Variants in TENM4 observed in about 807,000 individuals in gnomAD.
The protein encoded by TENM4 is teneurin transmembrane protein 4, also known as teneurin-4.
TENM4 carries 82 observed loss-of-function variants against 243.3 expected under a neutral mutation model. That is an observed-to-expected ratio of 0.34 (90% CI 0.28 to 0.40). The LOEUF (loss-of-function observed/expected upper bound fraction) is 0.40, where lower values mean the gene tolerates loss of function less well. Among genes scored for constraint, TENM4 ranks in the 10% least tolerant of loss-of-function variants. The pLI is 1.00. For missense variants in TENM4, 3,138 were observed against 3,673.3 expected, an observed-to-expected ratio of 0.85 and a Z score of 3.77; for synonymous variants, 1,412 against 1,456.3, an observed-to-expected ratio of 0.97 and a Z score of 0.69.
chr11:79,055,386 C>G (rs1859917182), intron 6 of TENM4, among the ~76,000 whole-genome samples: 1 of 151,990 alleles, frequency 6.6e-6, no homozygotes, highest in African/African-American at 2.4e-5. Flanking sequence ...GGACTACAGG[C>G]ACACACCACC....
chr11:79,429,538 T>A (rs1413041397), intron 1 of TENM4, among the ~76,000 whole-genome samples: 2 of 151,546 alleles, frequency 1.3e-5, no homozygotes, highest in African/African-American at 4.8e-5. Context: ...AGGTAGACAC[T>A]TCTATTTTCT....
chr11:79,034,112 A>G (rs974877382), intron 6 of TENM4, among the ~76,000 whole-genome samples: 3 of 152,372 alleles, frequency 2.0e-5, no homozygotes, highest in Admixed American at 1.3e-4. Flanking sequence ...TTTTGAGGAC[A>G]TGGAGGTGAA....
rs116765593 is a variant in TENM4, at chr11:78,706,520, G to A, written c.4209+1841C>T. 3.6e-3 allele frequency among the ~76,000 whole-genome samples: 545 copies of A among 152,324 alleles called. 6 individuals carry two copies. Among genetic ancestry groups the A allele is most frequent in the African/African-American group, 0.012 (517 of 41,560 alleles). ...CAGTGACACCTGCGCAAATGTGTCT[G>A]TAAAATAGATGCCAGTATTGGAGAG... is the stretch of plus-strand genomic sequence containing the variant. On this transcript the variant is annotated intron_variant, in intron 27 of 33. Coordinates refer to ENST00000278550, the MANE Select transcript of TENM4 (RefSeq NM_001098816.3).
At chr11:78,936,629 C>T (rs1405118423) in intron 6 of TENM4, among the ~76,000 whole-genome samples, 2 of 152,180 alleles carry the variant, frequency 1.3e-5, no homozygotes, top group African/African-American at 2.4e-5. Context: ...AACTGCTCTT[C>T]CCATACTGAG....
intron 6 of TENM4, among the ~76,000 whole-genome samples, chr11:78,998,889 G>C (rs915443179): frequency 1.3e-5 from 2 of 152,164 alleles, no homozygotes; most frequent in Admixed American, 6.5e-5. Context: ...CATACTTCTG[G>C]CCAACCCTGA....
chr11:79,347,925 G>A (rs1200120362), intron 1 of TENM4, among the ~76,000 whole-genome samples: 2 of 151,546 alleles, frequency 1.3e-5, no homozygotes, highest in African/African-American at 2.4e-5. Context: ...GACTACAGGC[G>A]CCCGCCACCG....
intron 6 of TENM4, among the ~76,000 whole-genome samples, chr11:79,016,887 C>G (rs891953872): frequency 6.6e-6 from 1 of 152,206 alleles, no homozygotes; most frequent in African/African-American, 2.4e-5. Flanking sequence ...TGGTTTGAAT[C>G]CTTTCAACAC....
At chr11:79,201,889 G>A (rs1863745672) in intron 3 of TENM4, among the ~76,000 whole-genome samples, 1 of 152,174 alleles carries the variant, frequency 6.6e-6, no homozygotes, top group Non-Finnish European at 1.5e-5. Context: ...AGAGAGGCAG[G>A]GAGACACTGG....
chr11:78,658,215 C>T lies in TENM4; in HGVS notation c.8153G>A (p.Arg2718Gln), dbSNP rs373894701. ...QRLREGEEGL[R>Q]AWTEGEKQQV... Reference sequence around the variant, plus strand: ...CTGCTTCTCCCCCTCTGTCCAGGCCCGCAGGCCTTCCTCCCCTTCCCGCAG... The same window carrying T: ...CTGCTTCTCCCCCTCTGTCCAGGCCTGCAGGCCTTCCTCCCCTTCCCGCAG... The change falls in exon 34 of 34, where the codon CGG becomes CAG. Residue 2718 changes from arginine to glutamine, a missense_variant. By Grantham distance (43) the Arg-to-Gln change is conservative. Transcript: ENST00000278550. 56 of 1,613,914 alleles carry T rather than the reference C, an allele frequency of 3.5e-5. No homozygotes were observed. The highest frequency in any genetic ancestry group is 3.1e-4 in the African/African-American group (23 of 74,942).
intron 12 of TENM4, among the ~76,000 whole-genome samples, chr11:78,831,864 G>A (rs184133650): frequency 3.9e-5 from 6 of 152,206 alleles, no homozygotes; most frequent in Non-Finnish European, 8.8e-5. Context: ...TACAGGTCTG[G>A]GCCTAGGGCT....
chr11:79,241,987 C>G (rs545355208), intron 2 of TENM4, among the ~76,000 whole-genome samples: 4 of 152,178 alleles, frequency 2.6e-5, no homozygotes, highest in Non-Finnish European at 5.9e-5. Context: ...GGCAGCCCAG[C>G]CATAAGGCAA....
intron 4 of TENM4, among the ~76,000 whole-genome samples, chr11:79,119,729 A>G (rs982827698): frequency 1.3e-5 from 2 of 152,122 alleles, no homozygotes; most frequent in African/African-American, 4.8e-5. Flanking sequence ...TCTTGCTCCA[A>G]TGGGGTAAGA....
At chr11:79,138,903 T>TTATATAAATATATA (rs1862185690) in intron 4 of TENM4, among the ~76,000 whole-genome samples, 3 of 113,450 alleles carry the variant, frequency 2.6e-5, no homozygotes, top group East Asian at 2.3e-4. Context: ...TATATTATAT[T>TTATATAAATATATA]TCTATAAATA....
intron 1 of TENM4, among the ~76,000 whole-genome samples, chr11:79,388,917 G>A (rs1398353311): frequency 6.6e-6 from 1 of 152,200 alleles, no homozygotes; most frequent in Non-Finnish European, 1.5e-5. Flanking sequence ...AGAGGGAACA[G>A]TGTGAGCCAA....
At chr11:79,162,310 CA>C (rs1184146382) in intron 3 of TENM4, among the ~76,000 whole-genome samples, 1 of 152,126 alleles carries the variant, frequency 6.6e-6, no homozygotes, top group African/African-American at 2.4e-5. Context: ...TTGGTTTCTT[CA>C]TCCATCAAAT....
chr11:78,739,403 C>T lies in TENM4; in HGVS notation c.2757-833G>A, dbSNP rs115254815. Among the ~76,000 whole-genome samples, 522 of 152,232 alleles carry T rather than the reference C, an allele frequency of 3.4e-3. 1 individual carries two copies. The highest frequency in any genetic ancestry group is 0.012 in the African/African-American group (490 of 41,524). ...CCTTTCTTGATGTCCCTAATCAGAACTAGTTCCTCTCTCCCACAAAACCTG... is the reference window on the plus strand; with the variant it reads ...CCTTTCTTGATGTCCCTAATCAGAATTAGTTCCTCTCTCCCACAAAACCTG... On this transcript the variant is annotated intron_variant, in intron 19 of 33. Coordinates refer to ENST00000278550, the MANE Select transcript of TENM4 (RefSeq NM_001098816.3).
intron 12 of TENM4, among the ~76,000 whole-genome samples, chr11:78,843,193 G>A (rs1858303267): frequency 6.6e-6 from 1 of 152,178 alleles, no homozygotes; most frequent in South Asian, 2.1e-4. Flanking sequence ...CAAGAGAATT[G>A]CTTGAACCCA....
chr11:78,707,018 G>T (rs1157007997), intron 27 of TENM4, among the ~76,000 whole-genome samples: 2 of 152,254 alleles, frequency 1.3e-5, no homozygotes, highest in Non-Finnish European at 1.5e-5. Context: ...TGACATGAGT[G>T]CTGGGACCTC....
At chr11:78,714,021 T>A (rs932622392) in intron 25 of TENM4, among the ~76,000 whole-genome samples, 1 of 152,176 alleles carries the variant, frequency 6.6e-6, no homozygotes, top group African/African-American at 2.4e-5. Flanking sequence ...CCGGATGGTC[T>A]GGTGCTGGCC....
Sources: gnomAD v4.1 joint callset for allele counts (sites outside exome capture counted in the v4.1 genomes callset) on GRCh38, gnomAD v4.1.1 for gene constraint, MANE v1.5 for transcripts, NCBI Gene and HGNC (gene_info 2026-07-23, HGNC 2026-07-21) for gene names.